Variants in UCK2 observed in about 807,000 individuals in gnomAD.
UCK2 encodes the protein uridine-cytidine kinase 2.
UCK2 carries 6 observed loss-of-function variants against 30.8 expected under a neutral mutation model. That is an observed-to-expected ratio of 0.19 (90% CI 0.11 to 0.38). The LOEUF (loss-of-function observed/expected upper bound fraction) is 0.38. Among genes scored for constraint, UCK2 ranks in the 10% least tolerant of loss-of-function variants. UCK2 has a pLI of 1.00. For synonymous variants in UCK2, 125 were observed against 133.6 expected (o/e 0.94, Z 0.45); for missense variants, 210 against 339.8 (o/e 0.62, Z 3.00).
chr1:165,828,627 C>T (rs941593139), intron 1 of UCK2, among the ~76,000 whole-genome samples: 10 of 152,166 alleles, frequency 6.6e-5, no homozygotes, highest in Non-Finnish European at 1.3e-4. Context: ...TGTACTGGCT[C>T]CAAGCTCTTC....
rs368035071 is a variant in UCK2, at chr1:165,906,645, G to T, written c.646+676G>T. Among the ~76,000 whole-genome samples, 5 of 152,258 alleles carry T rather than the reference G, an allele frequency of 3.3e-5. No homozygotes were observed. The East Asian group carries it at 5.8e-4, about 18-fold the overall frequency. On this transcript the variant is annotated intron_variant, in intron 6 of 6. Coordinates refer to ENST00000367879, the MANE Select transcript of UCK2 (RefSeq NM_012474.5). ...AGCCTCCCAAAGTGTTAGGATTACA[G>T]GCGTGAGCCATAGCACCTGGCCCCA... is the stretch of plus-strand genomic sequence containing the variant.
At chr1:165,829,046 C>G (rs1350002310) in intron 1 of UCK2, among the ~76,000 whole-genome samples, 1 of 152,128 alleles carries the variant, frequency 6.6e-6, no homozygotes, top group Non-Finnish European at 1.5e-5. Flanking sequence ...AGCTCCCGAA[C>G]CGACTCGTCA....
At chr1:165,830,825 G>C (rs915685683) in intron 1 of UCK2, among the ~76,000 whole-genome samples, 4 of 152,140 alleles carry the variant, frequency 2.6e-5, no homozygotes, top group Non-Finnish European at 4.4e-5. Context: ...CTTGAGCCCG[G>C]GAGTTTGAGG....
At chr1:165,882,394 T>C (rs1455547357) in intron 1 of UCK2, among the ~76,000 whole-genome samples, 2 of 152,232 alleles carry the variant, frequency 1.3e-5, no homozygotes, top group Non-Finnish European at 2.9e-5. Flanking sequence ...TCAGTATTAG[T>C]ATCACTTCTG....
At position 165,909,065 on chromosome 1, in the gene UCK2, A is replaced by G. The variant is rs1647768730; in HGVS notation, c.*1242A>G. ...AGGGGCTCGGAAAAGCAGTTTTTAC[A>G]AAGTATTTAAAAGGAGAGTATTTAA... On this transcript the variant is annotated 3_prime_UTR_variant, in exon 7 of 7. Coordinates refer to ENST00000367879, the MANE Select transcript of UCK2 (RefSeq NM_012474.5). 6.6e-6 allele frequency: 1 copy of G among 152,210 alleles called. No individual in the cohort carries two copies. Among genetic ancestry groups the G allele is most frequent in the Non-Finnish European group, 1.5e-5 (1 of 68,040 alleles). 9.4% of individuals were successfully genotyped at this position (152,210 alleles called of 1,614,324 possible).
intron 1 of UCK2, among the ~76,000 whole-genome samples, chr1:165,831,932 G>A (rs1571260818): frequency 6.6e-6 from 1 of 152,118 alleles, no homozygotes; most frequent in East Asian, 1.9e-4. Flanking sequence ...GGCCTGGCTA[G>A]TTTTTTTGTA....
At chr1:165,852,624 A>G (rs1258119872) in intron 1 of UCK2, among the ~76,000 whole-genome samples, 2 of 152,218 alleles carry the variant, frequency 1.3e-5, no homozygotes, top group Non-Finnish European at 2.9e-5. Context: ...GTAGGAATGT[A>G]AATTAGTGCT....
chr1:165,840,875 G>T (rs1654311583), intron 1 of UCK2, among the ~76,000 whole-genome samples: 1 of 152,030 alleles, frequency 6.6e-6, no homozygotes, highest in Non-Finnish European at 1.5e-5. Flanking sequence ...ATTACTAATA[G>T]AACACCTAGC....
chr1:165,850,858 G>A (rs970083457), intron 1 of UCK2, among the ~76,000 whole-genome samples: 8 of 150,440 alleles, frequency 5.3e-5, no homozygotes, highest in Non-Finnish European at 1.0e-4. Context: ...TCCTGACCTC[G>A]TGATCCACCC....
At chr1:165,901,825 A>G (rs751094452) in intron 4 of UCK2, among the ~76,000 whole-genome samples, 20 of 151,738 alleles carry the variant, frequency 1.3e-4, no homozygotes, top group Non-Finnish European at 2.8e-4. Flanking sequence ...AGAAGACTCT[A>G]TTTAATAAAG....
At chr1:165,872,907 A>G (rs1409086060) in intron 1 of UCK2, among the ~76,000 whole-genome samples, 1 of 152,216 alleles carries the variant, frequency 6.6e-6, no homozygotes, top group East Asian at 1.9e-4. Flanking sequence ...CGGCTGGGAG[A>G]TAGAGTAGGA....
chr1:165,839,615 G>T (rs1188890221), intron 1 of UCK2, among the ~76,000 whole-genome samples: 1 of 152,176 alleles, frequency 6.6e-6, no homozygotes, highest in Non-Finnish European at 1.5e-5. Context: ...GGTTTGTTCA[G>T]AAGATGCTTC....
rs117005664 is a variant in UCK2, at chr1:165,895,137, A to G, written c.357-1053A>G. ...GCTTTTTGAAAAGTCATGTTGGTTG[A>G]GCTTGGTAGCTCATGCCTGTAATCC... On this transcript the variant is annotated intron_variant, in intron 3 of 6. Transcript: ENST00000367879. Among the ~76,000 whole-genome samples the G allele has an allele frequency of 8.9e-3, 1,352 of 152,262 alleles. 35 individuals carry two copies. The highest frequency in any genetic ancestry group is 0.057 in the Admixed American group (873 of 15,288).
chr1:165,890,767 G>A (rs1386040161), intron 2 of UCK2: 3 of 246,584 alleles, frequency 1.2e-5, no homozygotes, highest in African/African-American at 2.2e-5. Flanking sequence ...GGGGCAGGGT[G>A]GCTGCCAGAG....
At chr1:165,872,914 A>T (rs747433900) in intron 1 of UCK2, among the ~76,000 whole-genome samples, 18 of 152,348 alleles carry the variant, frequency 1.2e-4, no homozygotes, top group South Asian at 2.1e-4. Context: ...GAGATAGAGT[A>T]GGAAGGAGAC....
Position 165,907,929 on chromosome 1 carries a change from A to G in UCK2, c.*106A>G. Reference sequence around the variant, plus strand: ...TTCCTATGACATTACTGTATTTAAGAAAACACCATGGAGATGAAATGCCTT... The same window carrying G: ...TTCCTATGACATTACTGTATTTAAGGAAACACCATGGAGATGAAATGCCTT... On this transcript the variant is annotated 3_prime_UTR_variant, in exon 7 of 7. Transcript: ENST00000367879. 1 of 1,419,402 alleles carries G rather than the reference A, an allele frequency of 7.0e-7. No individual in the cohort carries two copies. Among genetic ancestry groups the G allele is most frequent in the South Asian group, 1.6e-5 (1 of 62,500 alleles). 87.9% of individuals were successfully genotyped at this position (1,419,402 alleles called of 1,614,324 possible).
chr1:165,832,970 G>A (rs1654089731), intron 1 of UCK2, among the ~76,000 whole-genome samples: 1 of 152,028 alleles, frequency 6.6e-6, no homozygotes, highest in African/African-American at 2.4e-5. Flanking sequence ...TAGGGAGGTT[G>A]GCCTGTGTGT....
intron 1 of UCK2, among the ~76,000 whole-genome samples, chr1:165,873,899 T>C (rs1465410477): frequency 2.0e-5 from 3 of 152,208 alleles, no homozygotes; most frequent in Admixed American, 2.0e-4. Context: ...TCCTGAGCTA[T>C]TTCTCTGTGA....
chr1:165,896,191 AAGG>A lies in UCK2; in HGVS notation c.364_366del (p.Glu122del). The A allele has an allele frequency of 1.2e-6, 2 of 1,614,060 alleles. No homozygotes were observed. The highest frequency in any genetic ancestry group is 1.7e-6 in the Non-Finnish European group (2 of 1,180,010). On this transcript the variant is annotated inframe_deletion and splice_region_variant, in exon 4 of 7. Coordinates refer to ENST00000367879, the MANE Select transcript of UCK2 (RefSeq NM_012474.5). ...CATTATCTGCTCTGTGCTTTGCAGG[AAGG>A]AGGAGACAGTTACTGTCTATCCCGC...
Sources: allele counts gnomAD v4.1 joint callset (sites outside exome capture counted in the v4.1 genomes callset), GRCh38; gene constraint gnomAD v4.1.1; transcripts MANE v1.5; gene names NCBI Gene and HGNC (gene_info 2026-07-23, HGNC 2026-07-21).